Variants in GPBP1L1 observed in about 807,000 individuals in gnomAD.
GPBP1L1 encodes the protein GC-rich promoter binding protein 1 like 1, also known as vasculin-like protein 1.
A neutral mutation model predicts 52.5 loss-of-function variants in GPBP1L1; 23 were observed. That is an observed-to-expected ratio of 0.44 (90% CI 0.32 to 0.62). The LOEUF is 0.62. Ranked by LOEUF, GPBP1L1 falls within the 20% of genes least tolerant of loss-of-function variation. The pLI is 0.06. For missense variants in GPBP1L1, 596 were observed against 579.3 expected (o/e 1.03, Z -0.30); for synonymous variants, 243 against 203.1 (o/e 1.20, Z -1.67).
intron 2 of GPBP1L1, among the ~76,000 whole-genome samples, chr1:45,670,423 TGAGCACA>T (rs1382938079): frequency 2.0e-5 from 3 of 152,246 alleles, no homozygotes; most frequent in Non-Finnish European, 2.9e-5. Context: ...CATGTCTTGA[TGAGCACA>T]CGTTCTTAAT....
chr1:45,677,799 A>G (rs1645165057), intron 2 of GPBP1L1, among the ~76,000 whole-genome samples: 1 of 152,222 alleles, frequency 6.6e-6, no homozygotes, highest in African/African-American at 2.4e-5. Flanking sequence ...TCAAATCATG[A>G]GACTATTTTA....
At position 45,630,466 on chromosome 1, in the gene GPBP1L1, T is replaced by C. The variant is rs1298196257; in HGVS notation, c.1169+16A>G. On this transcript the variant is annotated intron_variant, in intron 11 of 12. Transcript: ENST00000355105. ...AGGTCAGACACTGCATGCCCTGTGA[T>C]GTCCTCCTCACTTACCTGTGCTCTG... 3 of 1,613,296 alleles carry C rather than the reference T, an allele frequency of 1.9e-6. No homozygotes were observed. The highest frequency in any genetic ancestry group is 2.2e-5 in the South Asian group (2 of 91,012).
At position 45,656,780 on chromosome 1, in the gene GPBP1L1, C is replaced by T. The variant is rs150772517; in HGVS notation, c.61-1461G>A. Among the ~76,000 whole-genome samples, 209 of 152,112 alleles carry T rather than the reference C, an allele frequency of 1.4e-3. 4 individuals are homozygous for T. The East Asian group carries it at 0.036, about 26-fold the overall frequency. ...TCCTTGGCTCAAGCAATCCTCCTGC[C>T]TTAGCCTCCCAAGTAGCTGAGATGA... is the stretch of plus-strand genomic sequence containing the variant. On this transcript the variant is annotated intron_variant, in intron 4 of 12. Coordinates refer to ENST00000355105, the MANE Select transcript of GPBP1L1 (RefSeq NM_021639.5).
chr1:45,636,287 G>A (rs995641859), intron 8 of GPBP1L1, among the ~76,000 whole-genome samples: 3 of 152,012 alleles, frequency 2.0e-5, no homozygotes, highest in Non-Finnish European at 4.4e-5. Context: ...CTTTTCAATG[G>A]ATGTAAGTAT....
intron 11 of GPBP1L1, 136 bp from the exon 12 acceptor site, chr1:45,629,814 G>A (rs1471374963): frequency 2.4e-5 from 15 of 631,802 alleles, no homozygotes; most frequent in Admixed American, 5.3e-5. Context: ...TCCTCCCTGT[G>A]GGACAAGCTT....
At chr1:45,633,955 C>A in intron 9 of GPBP1L1, 141 bp downstream of exon 9, 3 of 1,006,092 alleles carry the variant, frequency 3.0e-6, no homozygotes. Flanking sequence ...TGGATGCTAA[C>A]AGAAAACATC....
chr1:45,633,551 T>C lies in GPBP1L1; in HGVS notation c.982A>G (p.Thr328Ala). The change falls in exon 10 of 13, where the codon ACT (threonine) becomes GCT (alanine). Residue 328 changes from threonine (T) to alanine (A), a missense_variant. Coordinates refer to ENST00000355105, the MANE Select transcript of GPBP1L1 (RefSeq NM_021639.5). ...TTDRKSEFLK[T>A]LKDDRNGDFS... is the part of the protein sequence containing the mutation. ...TCTCCATTCCGGTCATCCTTCAGAG[T>C]TTTCAGGAACTCACTCTTCCTGTCG... The C allele has an allele frequency of 6.2e-7, 1 of 1,613,764 alleles. No homozygotes were observed. Among genetic ancestry groups the C allele is most frequent in the Non-Finnish European group, 8.5e-7 (1 of 1,179,936 alleles).
chr1:45,642,635 G>A, intron 6 of GPBP1L1, 136 bp from the exon 7 acceptor site: 1 of 661,678 alleles, frequency 1.5e-6, no homozygotes, highest in Non-Finnish European at 2.7e-6. Context: ...ATTTGACACT[G>A]TATTCAGAAA....
chr1:45,665,273 A>T (rs1316793574), intron 2 of GPBP1L1, among the ~76,000 whole-genome samples: 1 of 152,036 alleles, frequency 6.6e-6, no homozygotes, highest in Non-Finnish European at 1.5e-5. Flanking sequence ...TCTCACAAAG[A>T]AAAACAAAAC....
At chr1:45,641,895 G>C (rs1467644111) in intron 7 of GPBP1L1, 1 of 150,702 alleles carries the variant, frequency 6.6e-6, no homozygotes. Context: ...CTTAAAATCT[G>C]CTTCCATGTT....
chr1:45,664,580 A>C (rs12027622), intron 2 of GPBP1L1, among the ~76,000 whole-genome samples: 43,033 of 152,002 alleles, frequency 0.28, 6,221 homozygotes, highest in South Asian at 0.36. Flanking sequence ...AAATAAAATA[A>C]AATAAAATAA....
intron 7 of GPBP1L1, among the ~76,000 whole-genome samples, 176 bp downstream of exon 7, chr1:45,642,251 G>T (rs1644683854): frequency 6.6e-6 from 1 of 152,170 alleles, no homozygotes; most frequent in South Asian, 2.1e-4. Context: ...AGTGGTGTTT[G>T]GGGGTTGGGC....
intron 6 of GPBP1L1, among the ~76,000 whole-genome samples, chr1:45,643,526 A>T (rs1027646378): frequency 6.6e-6 from 1 of 152,150 alleles, no homozygotes; most frequent in African/African-American, 2.4e-5. Context: ...AATAAAGGTA[A>T]CAGAAGTAGA....
At chr1:45,652,206 C>T (rs938907993) in intron 6 of GPBP1L1, among the ~76,000 whole-genome samples, 1 of 152,224 alleles carries the variant, frequency 6.6e-6, no homozygotes, top group Non-Finnish European at 1.5e-5. Context: ...TATCCCCCAG[C>T]GGGCAAACTT....
At chr1:45,631,045 T>C (rs375683220) in intron 10 of GPBP1L1, among the ~76,000 whole-genome samples, 4 of 151,218 alleles carry the variant, frequency 2.6e-5, no homozygotes, top group East Asian at 3.9e-4. Flanking sequence ...GGAGAAAAGA[T>C]AGTCTTTTCA....
chr1:45,641,081 G>C (rs1179035518), intron 7 of GPBP1L1, among the ~76,000 whole-genome samples: 2 of 152,064 alleles, frequency 1.3e-5, no homozygotes, highest in African/African-American at 4.8e-5. Context: ...TGAGAATAGA[G>C]AGATGAGGTA....
chr1:45,642,433 C>T lies in GPBP1L1; in HGVS notation c.544G>A (p.Val182Ile). Residue 182 changes from valine (V) to isoleucine (I), a missense_variant, in exon 7 of 13, where the codon GTA becomes ATA. By Grantham distance (29) the Val-to-Ile change is conservative. Transcript: ENST00000355105. Reference sequence around the variant, plus strand: ...AATGGCAAAATCTACCTACCCCATACTCCAGAAGGTGTCCCAATAGGTCTG... The same window carrying T: ...AATGGCAAAATCTACCTACCCCATATTCCAGAAGGTGTCCCAATAGGTCTG... Reference protein sequence around the residue: ...PCRPIGTPSGVWENPPSAKQP... With the variant: ...PCRPIGTPSGIWENPPSAKQP... 1.9e-6 allele frequency: 3 copies of T among 1,613,228 alleles called. No homozygotes were observed. The highest frequency in any genetic ancestry group is 1.3e-5 in the African/African-American group (1 of 75,018).
rs143664219 is a variant in GPBP1L1 at position 45,628,508 on chromosome 1, T to G, written c.1273-100A>C. ...GGCCAGGCCTCAATTCAATTCTAGG[T>G]AGAATGTGGGGCGGGGGGTGCTTCT... On this transcript the variant is annotated intron_variant, in intron 12 of 12. Coordinates refer to ENST00000355105, the MANE Select transcript of GPBP1L1 (RefSeq NM_021639.5). The G allele has an allele frequency of 2.2e-4, 244 of 1,110,296 alleles. No homozygotes were observed. The African/African-American group carries it at 2.7e-3, about 12-fold the overall frequency. 68.8% of individuals were successfully genotyped at this position (1,110,296 alleles called of 1,614,324 possible).
rs757212135 is a variant in GPBP1L1, at chr1:45,655,359, C to T, written c.61-40G>A. On this transcript the variant is annotated intron_variant, in intron 4 of 12. Transcript: ENST00000355105. ...TATGGAGAGGCAAATGGATAAATAG[C>T]TATTAGTCCTTTTCAATATCTTAAT... The T allele has an allele frequency of 5.6e-6, 9 of 1,605,710 alleles. No individual in the cohort carries two copies. In the African/African-American group the frequency reaches 9.4e-5, roughly 17 times the overall value.
Sources: allele counts gnomAD v4.1 joint callset (sites outside exome capture counted in the v4.1 genomes callset), GRCh38; gene constraint gnomAD v4.1.1; transcripts MANE v1.5; gene names NCBI Gene and HGNC (gene_info 2026-07-23, HGNC 2026-07-21).